The following AARS1 variants were observed in gnomAD, a reference collection of about 807,000 sequenced individuals.
The protein encoded by AARS1 is alanine--tRNA ligase, cytoplasmic.
AARS1 carries 72 observed loss-of-function variants against 108.9 expected under a neutral mutation model. The ratio of observed to expected loss-of-function variants is 0.66; its 90% CI spans 0.55 to 0.80. The LOEUF (loss-of-function observed/expected upper bound fraction) is 0.80. Ranked by LOEUF, AARS1 falls within the 30% of genes least tolerant of loss-of-function variation. The pLI is 0.00. For missense variants in AARS1, 1,193 were observed against 1,233.2 expected (o/e 0.97, Z 0.49); for synonymous variants, 489 against 465.7 (o/e 1.05, Z -0.64).
Position 70,276,635 on chromosome 16 carries a change from C to T in AARS1, c.334-4G>A. ...GAGCCATCTTACATGCCAATTCCTA[C>T]AAAAAGAACAGAGAGAAAGATATGG... On this transcript the variant is annotated splice_polypyrimidine_tract_variant and splice_region_variant and intron_variant, in intron 3 of 20. Coordinates refer to ENST00000261772, the MANE Select transcript of AARS1 (RefSeq NM_001605.3). The T allele has an allele frequency of 6.2e-7, 1 of 1,613,786 alleles. No homozygotes were observed. The highest frequency in any genetic ancestry group is 8.5e-7 in the Non-Finnish European group (1 of 1,180,006).
intron 4 of AARS1, chr16:70,276,273 C>T (rs1237430381): frequency 2.1e-5 from 11 of 512,150 alleles, no homozygotes; most frequent in Middle Eastern, 5.4e-4. Context: ...ATTACTCTGT[C>T]GCCCAGGCTG....
chr16:70,282,001 A>C (rs1049625616), intron 2 of AARS1, among the ~76,000 whole-genome samples: 1 of 151,850 alleles, frequency 6.6e-6, no homozygotes, highest in African/African-American at 2.4e-5. Flanking sequence ...AATACAAAAA[A>C]ATTAGCTGTA....
At chr16:70,277,440 T>C (rs1317279685) in intron 2 of AARS1, among the ~76,000 whole-genome samples, 1 of 152,168 alleles carries the variant, frequency 6.6e-6, no homozygotes, top group Non-Finnish European at 1.5e-5. Flanking sequence ...CAGGTTGATG[T>C]GGTAAAACGT....
intron 5 of AARS1, among the ~76,000 whole-genome samples, chr16:70,271,536 CAA>C (rs199620449): frequency 4.2e-4 from 53 of 127,004 alleles, no homozygotes; most frequent in African/African-American, 1.4e-3. Context: ...CTCAAAAAAA[CAA>C]AAAAAAAAAA....
At chr16:70,272,999 AAG>A (rs1226249417) in intron 4 of AARS1, among the ~76,000 whole-genome samples, 5 of 152,028 alleles carry the variant, frequency 3.3e-5, no homozygotes, top group Admixed American at 1.3e-4. Flanking sequence ...GTCAAGGTAA[AAG>A]AGGATTTTAA....
intron 4 of AARS1, among the ~76,000 whole-genome samples, chr16:70,275,555 G>A (rs1452100708): frequency 6.6e-6 from 1 of 152,006 alleles, no homozygotes; most frequent in Non-Finnish European, 1.5e-5. Flanking sequence ...GAGGTCAGGA[G>A]ATCGAGACCA....
At chr16:70,286,731 G>A (rs1316697196) in intron 1 of AARS1, among the ~76,000 whole-genome samples, 1 of 151,882 alleles carries the variant, frequency 6.6e-6, no homozygotes, top group African/African-American at 2.4e-5. Context: ...TATAATCCCA[G>A]CTACTTGGGA....
chr16:70,258,206 G>C lies in AARS1; in HGVS notation c.2004C>G (p.Thr668=). 6.3e-7 allele frequency: 1 copy of C among 1,593,306 alleles called. No individual in the cohort carries two copies. Among genetic ancestry groups the C allele is most frequent in the African/African-American group, 1.3e-5 (1 of 74,450 alleles). ...EMIEAAKAVY[T]QDCPLAAAKA... ...TCGCTGCTGCCAGGGGGCAATCCTG[G>C]GTATAGACGGCCTGCCAGACCAAGA... Residue 668 remains threonine (T), a synonymous_variant, in exon 15 of 21, where the codon ACC becomes ACG. Coordinates refer to ENST00000261772, the MANE Select transcript of AARS1 (RefSeq NM_001605.3).
intron 15 of AARS1, 36 bp from the exon 16 acceptor site, chr16:70,255,872 G>T: frequency 6.3e-7 from 1 of 1,581,730 alleles, no homozygotes; most frequent in Non-Finnish European, 8.6e-7. Flanking sequence ...AGTGAAAGAG[G>T]CCCTGGCAGC....
intron 20 of AARS1, 126 bp from the exon 21 acceptor site, chr16:70,253,032 A>T: frequency 8.7e-7 from 1 of 1,143,210 alleles, no homozygotes. Flanking sequence ...GGAGGCCGAG[A>T]CAGACTTTAC....
At chr16:70,254,814 C>A (rs1959939300) in intron 16 of AARS1, 80 bp from the exon 17 acceptor site, 5 of 969,094 alleles carry the variant, frequency 5.2e-6, no homozygotes, top group Non-Finnish European at 8.2e-6. Flanking sequence ...GCTGCGGAAG[C>A]CCCGGCGGTA....
At position 70,267,693 on chromosome 16, in the gene AARS1, T is replaced by C; in HGVS notation, c.1188A>G (p.Lys396=). The change falls in exon 9 of 21, where the codon AAA becomes AAG. Residue 396 remains lysine (K), a synonymous_variant. Transcript: ENST00000261772. ...LSRGRRILDR[K]IQSLGDSKTI... is the part of the protein sequence containing the mutation. Reference sequence around the variant, plus strand: ...TCTTGCTGTCTCCCAGGCTCTGAATTTTCCTGTCCAGGATGCGACGCCCTC... The same window carrying C: ...TCTTGCTGTCTCCCAGGCTCTGAATCTTCCTGTCCAGGATGCGACGCCCTC... The C allele has an allele frequency of 1.2e-6, 2 of 1,614,126 alleles. No individual in the cohort carries two copies. Among genetic ancestry groups the C allele is most frequent in the Non-Finnish European group, 8.5e-7 (1 of 1,180,034 alleles).
chr16:70,259,305 GT>G, intron 13 of AARS1, 119 bp from the exon 14 acceptor site: 1 of 1,086,564 alleles, frequency 9.2e-7, no homozygotes, highest in Non-Finnish European at 1.4e-6. Context: ...CAGAATAAAG[GT>G]TACATTTCCC....
At chr16:70,265,695 A>AAG in intron 9 of AARS1, 33 bp from the exon 10 acceptor site, 1 of 1,611,484 alleles carries the variant, frequency 6.2e-7, no homozygotes, top group Non-Finnish European at 8.5e-7. Context: ...GTCAAAAAAA[A>AAG]CAGACAGCCC....
At chr16:70,278,261 T>C (rs1351568449) in intron 2 of AARS1, among the ~76,000 whole-genome samples, 2 of 151,802 alleles carry the variant, frequency 1.3e-5, no homozygotes, top group Admixed American at 1.3e-4. Context: ...GTAATTAATA[T>C]TTTTAAAAAT....
chr16:70,281,687 T>A (rs181419199), intron 2 of AARS1, among the ~76,000 whole-genome samples: 160 of 151,846 alleles, frequency 1.1e-3, no homozygotes, highest in Non-Finnish European at 1.6e-3. Flanking sequence ...AATTAAAAAA[T>A]AAATAAAATA....
Position 70,270,182 on chromosome 16 carries a change from A to G in AARS1, c.816+14T>C. ...CTCCACAGAAGTTTACAATGTTTGC[A>G]ATAGCACCAGTACCTTCTGAATGGC... is the stretch of plus-strand genomic sequence containing the variant. On this transcript the variant is annotated intron_variant, in intron 6 of 20. Transcript: ENST00000261772. The G allele has an allele frequency of 1.2e-6, 2 of 1,614,074 alleles. No homozygotes were observed. The highest frequency in any genetic ancestry group is 1.7e-6 in the Non-Finnish European group (2 of 1,179,922).
chr16:70,268,450 C>T, intron 7 of AARS1, 71 bp from the exon 8 acceptor site: 1 of 1,256,740 alleles, frequency 8.0e-7, no homozygotes, highest in South Asian at 1.2e-5. Context: ...TGGAATCCTA[C>T]CCAAAGCAAC....
chr16:70,258,005 G>A (rs373121705), intron 15 of AARS1, 28 bp downstream of exon 15: 54 of 1,612,894 alleles, frequency 3.3e-5, no homozygotes, highest in Non-Finnish European at 3.8e-5. Flanking sequence ...TAGATGACCT[G>A]TCTACTCTGC....
Sources: allele counts gnomAD v4.1 joint callset (sites outside exome capture counted in the v4.1 genomes callset), GRCh38; gene constraint gnomAD v4.1.1; transcripts MANE v1.5; gene names NCBI Gene and HGNC (gene_info 2026-07-23, HGNC 2026-07-21).